Variants in DPP10 observed in about 807,000 individuals in gnomAD.
DPP10 encodes the protein inactive dipeptidyl peptidase 10.
Under a neutral mutation model 120.9 loss-of-function variants are expected in DPP10, and 33 were observed. The observed-to-expected ratio is 0.27, with a 90% CI of 0.21 to 0.37. The LOEUF (loss-of-function observed/expected upper bound fraction) is 0.37. Among genes scored for constraint, DPP10 ranks in the 10% least tolerant of loss-of-function variants. The probability of loss-of-function intolerance (pLI) is 1.00; values close to 1 mark genes in which losing one functional copy is unlikely to be tolerated. For synonymous variants in DPP10, 337 were observed against 326.1 expected (o/e 1.03, Z -0.36); for missense variants, 816 against 942.8 (o/e 0.87, Z 1.76).
chr2:114,745,326 TCAC>T (rs1678480120), intron 1 of DPP10, among the ~76,000 whole-genome samples: 1 of 152,164 alleles, frequency 6.6e-6, no homozygotes, highest in African/African-American at 2.4e-5. Flanking sequence ...TGACAAAAGG[TCAC>T]CACACAAACA....
At chr2:114,836,443 C>A (rs902981664) in intron 1 of DPP10, among the ~76,000 whole-genome samples, 13 of 152,054 alleles carry the variant, frequency 8.5e-5, no homozygotes, top group African/African-American at 3.1e-4. Flanking sequence ...TGATGCCCCA[C>A]AAGCCGCAAA....
chr2:115,396,714 G>A (rs189287737), intron 3 of DPP10, among the ~76,000 whole-genome samples: 2 of 152,208 alleles, frequency 1.3e-5, no homozygotes, highest in East Asian at 1.9e-4. Flanking sequence ...GCAATAAAAG[G>A]TTGCTGCTTC....
chr2:115,525,795 G>A lies in DPP10; in HGVS notation c.367-103G>A, dbSNP rs2078096193. 5.4e-6 allele frequency: 4 copies of A among 743,800 alleles called. No individual in the cohort carries two copies. The South Asian group carries it at 5.7e-5, about 11-fold the overall frequency. 46.1% of individuals were successfully genotyped at this position (743,800 alleles called of 1,614,324 possible). On this transcript the variant is annotated intron_variant, in intron 4 of 25. Transcript: ENST00000410059. Reference sequence around the variant, plus strand: ...TATACAATATAAAAGAAATGAGAATGCCATTTTATAGTGCTATGAAAATTG... The same window carrying A: ...TATACAATATAAAAGAAATGAGAATACCATTTTATAGTGCTATGAAAATTG...
intron 1 of DPP10, among the ~76,000 whole-genome samples, chr2:114,948,930 G>GT (rs1250432482): frequency 0.027 from 3,841 of 144,078 alleles, 125 homozygotes; most frequent in African/African-American, 0.077. Flanking sequence ...GAGACACTTT[G>GT]TTTTTTTTTT....
At chr2:115,125,706 G>A (rs544959153) in intron 1 of DPP10, among the ~76,000 whole-genome samples, 1 of 151,438 alleles carries the variant, frequency 6.6e-6, no homozygotes, top group Admixed American at 6.6e-5. Flanking sequence ...TGAGTAGCTG[G>A]GACTACAGGT....
chr2:114,842,318 A>C (rs1040275097), intron 1 of DPP10, among the ~76,000 whole-genome samples: 1 of 152,248 alleles, frequency 6.6e-6, no homozygotes, highest in African/African-American at 2.4e-5. Context: ...ACACCCTGCC[A>C]GTGGTTTTCT....
At chr2:115,469,813 A>T (rs192654486) in intron 3 of DPP10, among the ~76,000 whole-genome samples, 1 of 149,054 alleles carries the variant, frequency 6.7e-6, no homozygotes, top group Admixed American at 6.9e-5. Flanking sequence ...AAGGAGAATC[A>T]CTTGAATCCG....
intron 1 of DPP10, among the ~76,000 whole-genome samples, chr2:114,922,463 T>C (rs950818926): frequency 1.4e-4 from 22 of 152,074 alleles, no homozygotes; most frequent in Admixed American, 2.6e-4. Flanking sequence ...CAGGCATGCG[T>C]AGCCATGCTT....
chr2:115,093,865 C>A (rs1351331984), intron 1 of DPP10, among the ~76,000 whole-genome samples: 1 of 151,994 alleles, frequency 6.6e-6, no homozygotes, highest in Admixed American at 6.6e-5. Context: ...TTTGTGTAGG[C>A]ACATGTGTGA....
intron 7 of DPP10, among the ~76,000 whole-genome samples, chr2:115,717,114 G>A (rs2092521153): frequency 6.6e-6 from 1 of 152,142 alleles, no homozygotes; most frequent in African/African-American, 2.4e-5. Context: ...ACACCTACCT[G>A]GGAAGAAAGA....
rs568867788 is a variant in DPP10, at chr2:115,803,867, T to C, written c.1701-10926T>C. On this transcript the variant is annotated intron_variant, in intron 19 of 25. Transcript: ENST00000410059. ...TTCTCTCTGGCTGCCCTTAACATTT[T>C]TTCCTTCATTTCAACTTTGGTGAAT... 1.1e-4 allele frequency among the ~76,000 whole-genome samples: 17 copies of C among 152,322 alleles called. No individual in the cohort carries two copies. In the South Asian group the frequency reaches 3.5e-3, roughly 32 times the overall value.
At chr2:114,584,465 T>C in intron 1 of DPP10, among the ~76,000 whole-genome samples, 1 of 151,916 alleles carries the variant, frequency 6.6e-6, no homozygotes, top group Non-Finnish European at 1.5e-5. Flanking sequence ...TACATATGTA[T>C]ACATGTGCCA....
At chr2:114,949,386 A>G (rs927528709) in intron 1 of DPP10, among the ~76,000 whole-genome samples, 1 of 152,188 alleles carries the variant, frequency 6.6e-6, no homozygotes, top group African/African-American at 2.4e-5. Context: ...ACACGGAGCC[A>G]AACCATATCA....
chr2:114,982,451 A>G (rs1210275442), intron 1 of DPP10, among the ~76,000 whole-genome samples: 1 of 152,202 alleles, frequency 6.6e-6, no homozygotes, highest in Non-Finnish European at 1.5e-5. Flanking sequence ...AATGCCACAC[A>G]TTTTATGATT....
intron 5 of DPP10, among the ~76,000 whole-genome samples, chr2:115,676,898 C>G: frequency 6.6e-6 from 1 of 152,120 alleles, no homozygotes; most frequent in African/African-American, 2.4e-5. Context: ...AAATAACTAT[C>G]ACAAGATAAA....
rs116259413 is a variant in DPP10, at chr2:115,182,849, C to T, written c.61-126390C>T. ...GTTTTGCTTAAAATATGACTTCATC[C>T]CTTTTTCTTCTTTTGTTGTCATGGG... On this transcript the variant is annotated intron_variant, in intron 1 of 25. Coordinates refer to ENST00000410059, the MANE Select transcript of DPP10 (RefSeq NM_020868.6). Among the ~76,000 whole-genome samples, 790 of 152,258 alleles carry T rather than the reference C, an allele frequency of 5.2e-3. 7 individuals are homozygous for T. The highest frequency in any genetic ancestry group is 0.018 in the African/African-American group (738 of 41,546).
chr2:114,642,274 G>A (rs1695767489), intron 1 of DPP10, among the ~76,000 whole-genome samples: 1 of 151,854 alleles, frequency 6.6e-6, no homozygotes, highest in Non-Finnish European at 1.5e-5. Context: ...AGAAGCCTAT[G>A]TAGGTCTTAT....
intron 1 of DPP10, among the ~76,000 whole-genome samples, chr2:114,708,989 C>T (rs1383701274): frequency 6.6e-6 from 1 of 152,188 alleles, no homozygotes. Flanking sequence ...CTCCTGGCCT[C>T]AAGGGACCCA....
At chr2:115,198,465 C>T (rs1351126813) in intron 1 of DPP10, among the ~76,000 whole-genome samples, 2 of 152,142 alleles carry the variant, frequency 1.3e-5, no homozygotes, top group African/African-American at 2.4e-5. Flanking sequence ...ATATAACTTT[C>T]TGTCACTCTG....
Sources: allele counts gnomAD v4.1 joint callset (sites outside exome capture counted in the v4.1 genomes callset), GRCh38; gene constraint gnomAD v4.1.1; transcripts MANE v1.5; gene names NCBI Gene and HGNC (gene_info 2026-07-23, HGNC 2026-07-21).